The following ROBO2 variants were observed in gnomAD, a reference collection of about 807,000 sequenced individuals.
ROBO2 encodes roundabout homolog 2.
ROBO2 carries 53 observed loss-of-function variants against 160.8 expected under a neutral mutation model. That is an observed-to-expected ratio of 0.33 (90% CI 0.26 to 0.41). ROBO2 has a LOEUF of 0.41. Ranked by LOEUF, ROBO2 falls within the 10% of genes least tolerant of loss-of-function variation. The pLI is 1.00. For missense variants in ROBO2, 1,577 were observed against 1,722.4 expected (o/e 0.92, Z 1.49); for synonymous variants, 664 against 611.7 (o/e 1.09, Z -1.26).
intron 2 of ROBO2, among the ~76,000 whole-genome samples, chr3:77,222,239 G>A (rs2085914320): frequency 6.6e-6 from 1 of 152,086 alleles, no homozygotes; most frequent in Non-Finnish European, 1.5e-5. Context: ...TTTAAAAGTT[G>A]AGATATAGAT....
intron 2 of ROBO2, among the ~76,000 whole-genome samples, chr3:77,218,849 C>T (rs1406845779): frequency 1.3e-5 from 2 of 152,220 alleles, no homozygotes; most frequent in African/African-American, 4.8e-5. Flanking sequence ...TTCATTGACA[C>T]TCTACATCCA....
intron 2 of ROBO2, among the ~76,000 whole-genome samples, chr3:76,562,864 T>C (rs766129928): frequency 2.6e-5 from 4 of 152,158 alleles, no homozygotes; most frequent in Non-Finnish European, 5.9e-5. Flanking sequence ...GAAAACCTAA[T>C]TTGCTCTGTG....
At chr3:76,127,525 A>C (rs572396851) in intron 2 of ROBO2, among the ~76,000 whole-genome samples, 1 of 152,132 alleles carries the variant, frequency 6.6e-6, no homozygotes, top group East Asian at 1.9e-4. Context: ...GGACACGTTT[A>C]TATAGAAAAC....
intron 2 of ROBO2, among the ~76,000 whole-genome samples, chr3:76,966,304 T>C (rs567952318): frequency 6.6e-6 from 1 of 152,202 alleles, no homozygotes; most frequent in Non-Finnish European, 1.5e-5. Flanking sequence ...ATGATACATA[T>C]ATTTCTTGAG....
chr3:76,013,780 C>T (rs1051846866), intron 2 of ROBO2, among the ~76,000 whole-genome samples: 3 of 150,576 alleles, frequency 2.0e-5, no homozygotes, highest in Non-Finnish European at 3.0e-5. Flanking sequence ...TGCGTGTAAT[C>T]CCAGAAGTAA....
intron 2 of ROBO2, among the ~76,000 whole-genome samples, chr3:76,220,358 A>G (rs1034931617): frequency 6.6e-6 from 1 of 151,726 alleles, no homozygotes; most frequent in African/African-American, 2.4e-5. Context: ...CAAAAAAAAA[A>G]CTCGATCCCC....
chr3:76,681,323 G>A (rs9851014), intron 2 of ROBO2, among the ~76,000 whole-genome samples: 78,367 of 151,928 alleles, frequency 0.52, 20,675 homozygotes, highest in East Asian at 0.76. Flanking sequence ...AAAGAGGCAC[G>A]GAAATAATAA....
At chr3:76,604,227 G>C (rs531090445) in intron 2 of ROBO2, among the ~76,000 whole-genome samples, 20 of 152,232 alleles carry the variant, frequency 1.3e-4, no homozygotes, top group African/African-American at 4.1e-4. Flanking sequence ...CACAAATAAA[G>C]AACATTTTAA....
At chr3:77,238,414 C>G (rs1453598838) in intron 2 of ROBO2, among the ~76,000 whole-genome samples, 1 of 152,048 alleles carries the variant, frequency 6.6e-6, no homozygotes, top group East Asian at 1.9e-4. Flanking sequence ...TGAAGGAAAT[C>G]TGGTGTTAGC....
intron 2 of ROBO2, among the ~76,000 whole-genome samples, chr3:76,598,755 A>G (rs1038457238): frequency 6.6e-6 from 1 of 152,112 alleles, no homozygotes; most frequent in Non-Finnish European, 1.5e-5. Context: ...GATGGGGAAA[A>G]AGCTGAGGGG....
chr3:77,394,184 A>G (rs1010745376), intron 2 of ROBO2, among the ~76,000 whole-genome samples: 2 of 152,154 alleles, frequency 1.3e-5, no homozygotes, highest in African/African-American at 4.8e-5. Flanking sequence ...CATCTTCCAT[A>G]AAAAAGCAAT....
chr3:76,572,018 G>T (rs67469976), intron 2 of ROBO2, among the ~76,000 whole-genome samples: 6,493 of 152,156 alleles, frequency 0.043, 191 homozygotes, highest in Non-Finnish European at 0.065. Flanking sequence ...CTAAAATGTA[G>T]TCATATAAAT....
At chr3:76,108,856 T>C (rs1414980351) in intron 2 of ROBO2, among the ~76,000 whole-genome samples, 1 of 151,394 alleles carries the variant, frequency 6.6e-6, no homozygotes, top group South Asian at 2.1e-4. Context: ...TACATACAGA[T>C]ATCTATTTTA....
intron 2 of ROBO2, among the ~76,000 whole-genome samples, chr3:76,780,707 ATTC>A (rs1416834669): frequency 1.3e-5 from 2 of 150,872 alleles, no homozygotes; most frequent in East Asian, 3.9e-4. Context: ...CCCACTGTGT[ATTC>A]TTGTCAAAAA....
chr3:77,558,054 G>T (rs759647329), exon 9 of ROBO2: 1 of 1,613,082 alleles, frequency 6.2e-7, no homozygotes, highest in Non-Finnish European at 8.5e-7. Context: ...TCCTCTTCCT[G>T]TAATTAGCTG....
intron 2 of ROBO2, among the ~76,000 whole-genome samples, chr3:76,640,359 C>T (rs1042576126): frequency 6.6e-6 from 1 of 151,980 alleles, no homozygotes; most frequent in African/African-American, 2.4e-5. Flanking sequence ...GGTGAAACCT[C>T]GTCTCTACTA....
chr3:76,626,454 TG>T (rs1560261283), intron 2 of ROBO2, among the ~76,000 whole-genome samples: 1 of 151,754 alleles, frequency 6.6e-6, no homozygotes, highest in Non-Finnish European at 1.5e-5. Flanking sequence ...CCTGCCCAAA[TG>T]AGATTGCTGA....
At chr3:76,860,620 AC>A (rs1385581051) in intron 2 of ROBO2, among the ~76,000 whole-genome samples, 1 of 152,198 alleles carries the variant, frequency 6.6e-6, no homozygotes, top group Admixed American at 6.5e-5. Context: ...TAATCCTGCC[AC>A]ATGACCTATC....
intron 2 of ROBO2, among the ~76,000 whole-genome samples, chr3:76,717,221 C>T (rs981804890): frequency 4.0e-5 from 6 of 151,442 alleles, no homozygotes; most frequent in African/African-American, 4.9e-5. Context: ...TGGCTGGGCA[C>T]GGTGGCTCAC....
Sources: gnomAD v4.1 joint callset for allele counts (sites outside exome capture counted in the v4.1 genomes callset) on GRCh38, gnomAD v4.1.1 for gene constraint, MANE v1.5 for transcripts, NCBI Gene and HGNC (gene_info 2026-07-23, HGNC 2026-07-21) for gene names.